Variants in NUFIP1 observed in about 807,000 individuals in gnomAD.
The protein encoded by NUFIP1 is FMR1-interacting protein NUFIP1.
NUFIP1 carries 38 observed loss-of-function variants against 56.2 expected under a neutral mutation model. That is an observed-to-expected ratio of 0.68 (90% confidence interval 0.52 to 0.89). The LOEUF is 0.89. NUFIP1 is among the 40% of genes least tolerant of loss of function. The probability of loss-of-function intolerance (pLI) is 0.00; values close to 1 mark genes in which losing one functional copy is unlikely to be tolerated. For missense variants in NUFIP1, 567 were observed against 605.8 expected, an observed-to-expected ratio of 0.94 and a Z score of 0.67; for synonymous variants, 215 against 212.4, an observed-to-expected ratio of 1.01 and a Z score of -0.10.
chr13:44,953,275 TAATA>T (rs1335860024), intron 7 of NUFIP1, among the ~76,000 whole-genome samples: 1 of 152,160 alleles, frequency 6.6e-6, no homozygotes, highest in Non-Finnish European at 1.5e-5. Flanking sequence ...TTATTATAAT[TAATA>T]AATATTTTGG....
At chr13:44,980,131 C>T (rs1008807521) in intron 3 of NUFIP1, among the ~76,000 whole-genome samples, 179 bp from the exon 4 acceptor site, 1 of 152,204 alleles carries the variant, frequency 6.6e-6, no homozygotes, top group Non-Finnish European at 1.5e-5. Context: ...AAAGGAATGA[C>T]ACTCTCAGAG....
In NUFIP1 at chr13:44,982,169, ATC is replaced by A; in HGVS notation, c.413-17_413-16del. ...AGAATTTTTAACTAAAAAAAAAAAG[ATC>A]CATAAATGTTTGCAACAATGTAATT... is the stretch of plus-strand genomic sequence containing the variant. On this transcript the variant is annotated splice_polypyrimidine_tract_variant and intron_variant, in intron 1 of 9. Coordinates refer to ENST00000379161, the MANE Select transcript of NUFIP1 (RefSeq NM_012345.3). 8.2e-7 allele frequency: 1 copy of A among 1,224,910 alleles called. No homozygotes were observed. The highest frequency in any genetic ancestry group is 1.1e-6 in the Non-Finnish European group (1 of 895,852). The allele number at this position is 1,224,910 out of a possible 1,614,324, so 75.9% of individuals were successfully genotyped here.
At chr13:44,979,354 T>C (rs113553656) in intron 4 of NUFIP1, 88 bp from the exon 5 acceptor site, 73 of 1,031,938 alleles carry the variant, frequency 7.1e-5, no homozygotes, top group African/African-American at 5.9e-4. Flanking sequence ...AGTAAACTTA[T>C]GTTGGACACA....
chr13:44,977,441 A>AT (rs954519201), intron 5 of NUFIP1, among the ~76,000 whole-genome samples: 9 of 152,146 alleles, frequency 5.9e-5, no homozygotes, highest in Non-Finnish European at 1.2e-4. Flanking sequence ...GTATTTTTTC[A>AT]TTTTTTTCTT....
intron 5 of NUFIP1, among the ~76,000 whole-genome samples, chr13:44,978,810 G>C (rs555974313): frequency 6.6e-6 from 1 of 152,254 alleles, no homozygotes; most frequent in Non-Finnish European, 1.5e-5. Context: ...GCTCACCTTA[G>C]TTTAAGGTTT....
In NUFIP1 at chr13:44,989,426, G is replaced by A. The variant is rs1872581213; in HGVS notation, c.11C>T (p.Pro4Leu). The A allele has an allele frequency of 5.0e-6, 8 of 1,613,392 alleles. No individual in the cohort carries two copies. The highest frequency in any genetic ancestry group is 1.3e-5 in the African/African-American group (1 of 75,026). MAEPTSDFETPIGW... is the reference protein window; with the variant it reads MAELTSDFETPIGW... ...GATAGGAGTCTCGAAATCACTAGTCGGCTCAGCCATACCACTGGCGGGTCC... is the reference window on the plus strand; with the variant it reads ...GATAGGAGTCTCGAAATCACTAGTCAGCTCAGCCATACCACTGGCGGGTCC... The change falls in exon 1 of 10, where the codon CCG becomes CTG. Residue 4 changes from proline to leucine, a missense_variant. By Grantham distance (98) the Pro-to-Leu change is moderately conservative. Transcript: ENST00000379161.
chr13:44,982,258 T>C, intron 1 of NUFIP1, 104 bp from the exon 2 acceptor site: 1 of 457,634 alleles, frequency 2.2e-6, no homozygotes, highest in Non-Finnish European at 3.6e-6. Flanking sequence ...GTAAAAACAC[T>C]AGTAAACTAC....
chr13:44,956,494 T>G (rs1448263245), intron 7 of NUFIP1, among the ~76,000 whole-genome samples: 1 of 152,180 alleles, frequency 6.6e-6, no homozygotes, highest in Non-Finnish European at 1.5e-5. Flanking sequence ...CATTGTAATA[T>G]ATAAAATAAT....
intron 7 of NUFIP1, among the ~76,000 whole-genome samples, chr13:44,955,573 A>T (rs1871200574): frequency 6.6e-6 from 1 of 152,240 alleles, no homozygotes; most frequent in Non-Finnish European, 1.5e-5. Context: ...CAACTGCCAT[A>T]TGAGAACAGT....
chr13:44,980,535 G>A (rs552856575), intron 3 of NUFIP1, among the ~76,000 whole-genome samples, 187 bp downstream of exon 3: 8 of 152,210 alleles, frequency 5.3e-5, no homozygotes, highest in African/African-American at 1.7e-4. Context: ...ATCTTACCTC[G>A]TCCCTGAAGC....
At chr13:44,988,908 G>T in intron 1 of NUFIP1, 117 bp downstream of exon 1, 1 of 1,009,378 alleles carries the variant, frequency 9.9e-7, no homozygotes, top group Non-Finnish European at 1.4e-6. Context: ...AGATGCTAAT[G>T]ACCAGACTCC....
At chr13:44,982,379 C>T (rs1176026624) in intron 1 of NUFIP1, among the ~76,000 whole-genome samples, 1 of 152,138 alleles carries the variant, frequency 6.6e-6, no homozygotes, top group Non-Finnish European at 1.5e-5. Context: ...TCCACAGAAA[C>T]TTTAGGCGTC....
chr13:44,968,859 G>C (rs1040502221), intron 5 of NUFIP1, among the ~76,000 whole-genome samples: 3 of 152,178 alleles, frequency 2.0e-5, no homozygotes, highest in Non-Finnish European at 4.4e-5. Context: ...ACTTGTTATA[G>C]CAAGTGGATT....
At chr13:44,967,058 A>T (rs149107191) in intron 5 of NUFIP1, among the ~76,000 whole-genome samples, 59 of 152,174 alleles carry the variant, frequency 3.9e-4, no homozygotes, top group Non-Finnish European at 7.8e-4. Flanking sequence ...ACAAATAGTG[A>T]TAACATAAGA....
intron 7 of NUFIP1, among the ~76,000 whole-genome samples, chr13:44,954,278 A>T (rs756009825): frequency 3.1e-4 from 47 of 152,336 alleles, no homozygotes; most frequent in South Asian, 1.4e-3. Flanking sequence ...TACCATTAAA[A>T]CATTAGCGAC....
intron 7 of NUFIP1, among the ~76,000 whole-genome samples, chr13:44,957,062 T>C (rs1871270358): frequency 6.6e-6 from 1 of 152,162 alleles, no homozygotes; most frequent in Non-Finnish European, 1.5e-5. Context: ...TATTCAAAAT[T>C]ATAAATTTGT....
At chr13:44,970,143 C>T (rs1417405739) in intron 5 of NUFIP1, among the ~76,000 whole-genome samples, 1 of 152,220 alleles carries the variant, frequency 6.6e-6, no homozygotes, top group Non-Finnish European at 1.5e-5. Context: ...ACCTCTACCA[C>T]TCATTTTCCC....
In NUFIP1 at chr13:44,941,276, C is replaced by T; in HGVS notation, c.1418G>A (p.Cys473Tyr). ...GTCTTTTTTGATGATGTACCGAACACACTGCAAAATCACATTTCTTTCATG... is the reference window on the plus strand; with the variant it reads ...GTCTTTTTTGATGATGTACCGAACATACTGCAAAATCACATTTCTTTCATG... Reference protein sequence around the residue: ...IRHERNVILQCVRYIIKKDFF... With the variant: ...IRHERNVILQYVRYIIKKDFF... The change falls in exon 10 of 10, where the codon TGT (cysteine) becomes TAT (tyrosine). Residue 473 changes from cysteine to tyrosine, a missense_variant. Physicochemically the swap from Cys to Tyr is radical, Grantham distance 194. Coordinates refer to ENST00000379161, the MANE Select transcript of NUFIP1 (RefSeq NM_012345.3). 1 of 1,611,600 alleles carries T rather than the reference C, an allele frequency of 6.2e-7. No individual in the cohort carries two copies. Among genetic ancestry groups the T allele is most frequent in the Non-Finnish European group, 8.5e-7 (1 of 1,179,374 alleles).
intron 1 of NUFIP1, among the ~76,000 whole-genome samples, chr13:44,988,472 G>A (rs964316199): frequency 1.2e-4 from 18 of 152,208 alleles, no homozygotes; most frequent in South Asian, 8.3e-4. Context: ...AAGAAAAAAA[G>A]AAAATCCTGC....
Sources: gnomAD v4.1 joint callset for allele counts (sites outside exome capture counted in the v4.1 genomes callset) on GRCh38, gnomAD v4.1.1 for gene constraint, MANE v1.5 for transcripts, NCBI Gene and HGNC (gene_info 2026-07-23, HGNC 2026-07-21) for gene names.